The following XIRP2 variants were observed in gnomAD, a reference collection of about 807,000 sequenced individuals.
XIRP2 encodes the protein xin actin binding repeat containing 2.
A neutral mutation model predicts 277.0 loss-of-function variants in XIRP2; 236 were observed. The observed-to-expected ratio is 0.85, with a 90% CI of 0.77 to 0.95. XIRP2 has a LOEUF of 0.95. Ranked by LOEUF, XIRP2 falls within the 40% of genes least tolerant of loss-of-function variation. The pLI is 0.00. For synonymous variants in XIRP2, 1,490 were observed against 1,416.5 expected (o/e 1.05, Z -1.17); for missense variants, 4,640 against 4,157.5 (o/e 1.12, Z -3.19).
intron 5 of XIRP2, among the ~76,000 whole-genome samples, chr2:167,228,964 A>G (rs1042454307): frequency 5.9e-5 from 9 of 152,086 alleles, no homozygotes; most frequent in African/African-American, 2.2e-4. Context: ...TTAAAGTAAA[A>G]TAAATTGGGG....
Position 167,175,587 on chromosome 2 carries a change from G to A in XIRP2, c.563-35148G>A, listed in dbSNP as rs1313043805. Reference sequence around the variant, plus strand: ...GGTGTCTGTTGACCCCTGCTGGGAGGTGTCTCCCAGGCAGGAGGCAGGCGG... The same window carrying A: ...GGTGTCTGTTGACCCCTGCTGGGAGATGTCTCCCAGGCAGGAGGCAGGCGG... On this transcript the variant is annotated intron_variant, in intron 3 of 10. Coordinates refer to ENST00000409195, the MANE Select transcript of XIRP2 (RefSeq NM_152381.6). Among the ~76,000 whole-genome samples, 12 of 152,270 alleles carry A rather than the reference G, an allele frequency of 7.9e-5. No individual in the cohort carries two copies. In the South Asian group the frequency reaches 2.1e-3, roughly 26 times the overall value.
intron 2 of XIRP2, among the ~76,000 whole-genome samples, chr2:167,105,282 G>C (rs1229052572): frequency 6.6e-6 from 1 of 151,852 alleles, no homozygotes; most frequent in African/African-American, 2.4e-5. Flanking sequence ...GATCCTTCCT[G>C]TTCCATTTCC....
chr2:166,903,704 G>A lies in XIRP2; in HGVS notation c.222G>A (p.Lys74=). The A allele has an allele frequency of 6.2e-7, 1 of 1,613,690 alleles. No individual in the cohort carries two copies. The highest frequency in any genetic ancestry group is 2.2e-5 in the East Asian group (1 of 44,810). ...CAGGGGAAGAGATGTGGAGTTCGAA[G>A]CCGGAAGAGAAGGATTCTGTGGACA... The part of the protein sequence containing the change: ...YSTGEEMWSS[K]PEEKDSVDKS... Residue 74 remains lysine, a synonymous_variant, in exon 2 of 11, where the codon AAG becomes AAA. Coordinates refer to ENST00000409195, the MANE Select transcript of XIRP2 (RefSeq NM_152381.6).
chr2:167,029,859 A>G (rs1474958435), intron 2 of XIRP2, among the ~76,000 whole-genome samples: 3 of 152,128 alleles, frequency 2.0e-5, no homozygotes, highest in African/African-American at 7.2e-5. Flanking sequence ...TTGGTAGGCT[A>G]TTAATTACTG....
chr2:166,984,510 A>C (rs1360875300), intron 2 of XIRP2, among the ~76,000 whole-genome samples: 1 of 152,150 alleles, frequency 6.6e-6, no homozygotes, highest in Non-Finnish European at 1.5e-5. Flanking sequence ...ATAAAATAAT[A>C]TTATAAGACA....
intron 2 of XIRP2, among the ~76,000 whole-genome samples, chr2:166,904,145 G>A (rs1684459091): frequency 6.6e-6 from 1 of 152,086 alleles, no homozygotes; most frequent in Non-Finnish European, 1.5e-5. Context: ...GTTTCTGTAT[G>A]TATGTGCCTT....
At chr2:167,009,641 C>T (rs1257115684) in intron 2 of XIRP2, among the ~76,000 whole-genome samples, 2 of 152,052 alleles carry the variant, frequency 1.3e-5, no homozygotes, top group African/African-American at 4.8e-5. Context: ...AATCGCCACA[C>T]TGACTTCCAC....
intron 2 of XIRP2, among the ~76,000 whole-genome samples, chr2:167,014,933 C>T (rs1687780143): frequency 6.6e-6 from 1 of 151,788 alleles, no homozygotes; most frequent in Non-Finnish European, 1.5e-5. Flanking sequence ...TAATACATTA[C>T]ATTTTATTGC....
rs1429471456 is a variant in XIRP2, at chr2:167,246,399, G to A, written c.5007G>A (p.Glu1669=). The A allele has an allele frequency of 1.2e-6, 2 of 1,613,532 alleles. No individual in the cohort carries two copies. The highest frequency in any genetic ancestry group is 2.7e-5 in the African/African-American group (2 of 74,978). Reference sequence around the variant, plus strand: ...AAGCAATAAAAAACCTGTTCTCTGAGGAAAGATCTGTAAAGAAAGGCATCT... The same window carrying A: ...AAGCAATAAAAAACCTGTTCTCTGAAGAAAGATCTGTAAAGAAAGGCATCT... ...VQQAIKNLFS[E]ERSVKKGILI... Residue 1669 remains glutamate (E), a synonymous_variant, in exon 9 of 11, where the codon GAG becomes GAA. Transcript: ENST00000409195.
intron 3 of XIRP2, among the ~76,000 whole-genome samples, chr2:167,202,720 G>C (rs1410852261): frequency 6.6e-6 from 1 of 152,196 alleles, no homozygotes; most frequent in Non-Finnish European, 1.5e-5. Context: ...GCTTGTATCA[G>C]TTTCCTGTTG....
chr2:167,237,895 G>A (rs886568736), intron 5 of XIRP2, among the ~76,000 whole-genome samples: 4 of 152,190 alleles, frequency 2.6e-5, no homozygotes. Flanking sequence ...TGTCATTAGT[G>A]CCCATGCATT....
At position 167,248,033 on chromosome 2, in the gene XIRP2, C is replaced by G. The variant is rs763945284; in HGVS notation, c.6641C>G (p.Pro2214Arg). 6.2e-7 allele frequency: 1 copy of G among 1,613,358 alleles called. No homozygotes were observed. The highest frequency in any genetic ancestry group is 8.5e-7 in the Non-Finnish European group (1 of 1,179,708). Residue 2214 changes from proline to arginine, a missense_variant, in exon 9 of 11, where the codon CCT (proline) becomes CGT (arginine). Transcript: ENST00000409195. ...INLQPMWQLL[P>R]VEQDTSNVTE... ...CTTCAACCAATGTGGCAGCTTTTGC[C>G]TGTAGAGCAAGACACATCCAATGTA...
chr2:166,905,111 A>G (rs1440499357), intron 2 of XIRP2, among the ~76,000 whole-genome samples: 6 of 151,940 alleles, frequency 3.9e-5, no homozygotes, highest in African/African-American at 1.2e-4. Context: ...TTCTTTTTCT[A>G]TTTCACAGGT....
chr2:167,221,460 C>CA (rs57006710), intron 5 of XIRP2, among the ~76,000 whole-genome samples: 7,042 of 58,850 alleles, frequency 0.12, 202 homozygotes, highest in Non-Finnish European at 0.17. Flanking sequence ...AACTCCATCT[C>CA]AAAAAAAAAA....
chr2:167,177,582 C>A (rs150080981), intron 3 of XIRP2, among the ~76,000 whole-genome samples: 1 of 152,076 alleles, frequency 6.6e-6, no homozygotes, highest in Admixed American at 6.5e-5. Flanking sequence ...AGGTTTTTGC[C>A]CTTATGAGAA....
chr2:167,132,277 G>A (rs549713931), intron 2 of XIRP2, among the ~76,000 whole-genome samples: 5 of 152,216 alleles, frequency 3.3e-5, no homozygotes, highest in African/African-American at 1.2e-4. Context: ...ATTTTGCAAT[G>A]TGCGAACACA....
At chr2:167,124,905 A>G (rs977979288) in intron 2 of XIRP2, among the ~76,000 whole-genome samples, 1 of 152,290 alleles carries the variant, frequency 6.6e-6, no homozygotes, top group African/African-American at 2.4e-5. Context: ...AGCCAGAAGG[A>G]TGGCCCAGAT....
Position 166,942,989 on chromosome 2 carries a change from T to C in XIRP2, c.408+39099T>C, listed in dbSNP as rs147208582. Among the ~76,000 whole-genome samples the C allele has an allele frequency of 4.8e-3, 734 of 152,184 alleles. 4 individuals carry two copies. Among genetic ancestry groups the C allele is most frequent in the African/African-American group, 0.016 (685 of 41,552 alleles). On this transcript the variant is annotated intron_variant, in intron 2 of 10. Transcript: ENST00000409195. ...ATCAGAAGTTATATTCCAGGAGAGA[T>C]GAATAAAATTAAATCCCACTTTCAT...
intron 2 of XIRP2, among the ~76,000 whole-genome samples, chr2:167,011,969 C>G (rs949288216): frequency 6.6e-6 from 1 of 152,036 alleles, no homozygotes; most frequent in South Asian, 2.1e-4. Context: ...CTCTTTTCTT[C>G]TTTATTAGTC....
Sources: allele counts gnomAD v4.1 joint callset (sites outside exome capture counted in the v4.1 genomes callset), GRCh38; gene constraint gnomAD v4.1.1; transcripts MANE v1.5; gene names NCBI Gene and HGNC (gene_info 2026-07-23, HGNC 2026-07-21).